The following XYLT1 variants were observed in gnomAD, a reference collection of about 807,000 sequenced individuals.
XYLT1 encodes the protein beta-D-xylosyltransferase 1.
Under a neutral mutation model 91.3 loss-of-function variants are expected in XYLT1, and 36 were observed. That is an observed-to-expected ratio of 0.39 (90% CI 0.30 to 0.52). XYLT1 has a LOEUF of 0.52. XYLT1 is among the 20% of genes least tolerant of loss of function. XYLT1 has a pLI of 0.68. For missense variants in XYLT1, 1,242 were observed against 1,284.5 expected, an observed-to-expected ratio of 0.97 and a Z score of 0.51; for synonymous variants, 588 against 532.0, an observed-to-expected ratio of 1.11 and a Z score of -1.45.
rs9708270 is a variant in XYLT1, at chr16:17,385,281, C to T, written c.364-27231G>A. On this transcript the variant is annotated intron_variant, in intron 1 of 11. Coordinates refer to ENST00000261381, the MANE Select transcript of XYLT1 (RefSeq NM_022166.4). ...ACATAAACACACATACACACACACA[C>T]ACACACACACACACACACACACACA... 6.0e-4 allele frequency among the ~76,000 whole-genome samples: 90 copies of T among 150,692 alleles called. 3 individuals carry two copies. The South Asian group carries it at 0.014, about 24-fold the overall frequency.
chr16:17,400,142 A>G (rs1487633103), intron 1 of XYLT1, among the ~76,000 whole-genome samples: 1 of 152,216 alleles, frequency 6.6e-6, no homozygotes, highest in East Asian at 1.9e-4. Flanking sequence ...GTAGACAGGA[A>G]GGACAGGGGC....
At chr16:17,131,642 C>G (rs2030482460) in intron 9 of XYLT1, among the ~76,000 whole-genome samples, 1 of 152,130 alleles carries the variant, frequency 6.6e-6, no homozygotes, top group Non-Finnish European at 1.5e-5. Context: ...TACTCTGATT[C>G]TCTCAACCTG....
chr16:17,198,348 G>C lies in XYLT1; in HGVS notation c.1153C>G (p.Pro385Ala). ...SRQYSNVRVT[P>A]WRMATIWGGA... ...CCCCAGATGGTGGCCATTCTCCAGGGGGTGACGCGGACATTGCTGTACTGC... is the reference window on the plus strand; with the variant it reads ...CCCCAGATGGTGGCCATTCTCCAGGCGGTGACGCGGACATTGCTGTACTGC... The change falls in exon 5 of 12, where the codon CCC becomes GCC. Residue 385 changes from proline to alanine, a missense_variant. Physicochemically the swap from Pro to Ala is conservative, Grantham distance 27. This residue lies in a region of XYLT1 where 294 missense variants were observed against 376.0 expected (regional missense o/e 0.78). Coordinates refer to ENST00000261381, the MANE Select transcript of XYLT1 (RefSeq NM_022166.4). The C allele has an allele frequency of 1.2e-6, 2 of 1,614,218 alleles. No individual in the cohort carries two copies.
chr16:17,146,491 G>A (rs2031135795), intron 6 of XYLT1, among the ~76,000 whole-genome samples: 1 of 152,056 alleles, frequency 6.6e-6, no homozygotes, highest in African/African-American at 2.4e-5. Flanking sequence ...ATCCCTACAG[G>A]GCGGTCAGAC....
intron 1 of XYLT1, among the ~76,000 whole-genome samples, chr16:17,460,821 C>T (rs570022847): frequency 1.1e-4 from 16 of 152,278 alleles, no homozygotes; most frequent in African/African-American, 3.4e-4. Flanking sequence ...TCTAACACAC[C>T]GTGTGGACAA....
chr16:17,344,965 T>C (rs906922549), intron 2 of XYLT1, among the ~76,000 whole-genome samples: 4 of 152,062 alleles, frequency 2.6e-5, no homozygotes, highest in African/African-American at 9.7e-5. Context: ...CCTCCCAAAG[T>C]TCTAGGATTA....
chr16:17,141,689 A>G (rs1321978706), intron 6 of XYLT1, among the ~76,000 whole-genome samples: 1 of 152,170 alleles, frequency 6.6e-6, no homozygotes, highest in Non-Finnish European at 1.5e-5. Flanking sequence ...CTCCTTCTCT[A>G]GAGAACTTTG....
At chr16:17,465,470 G>A (rs376670343) in intron 1 of XYLT1, among the ~76,000 whole-genome samples, 3 of 147,912 alleles carry the variant, frequency 2.0e-5, no homozygotes, top group Admixed American at 6.9e-5. Context: ...TAAGACCAGC[G>A]ATTTCTAGTT....
intron 1 of XYLT1, among the ~76,000 whole-genome samples, chr16:17,459,078 A>G (rs185138261): frequency 1.0e-3 from 152 of 152,292 alleles, no homozygotes; most frequent in East Asian, 8.5e-3. Context: ...CGCAGGCAAT[A>G]TTTAAGAAGT....
intron 1 of XYLT1, among the ~76,000 whole-genome samples, chr16:17,460,668 T>C (rs532014623): frequency 6.6e-6 from 1 of 152,296 alleles, no homozygotes; most frequent in Non-Finnish European, 1.5e-5. Flanking sequence ...GTCTGCAGTA[T>C]CACCATTCCT....
At chr16:17,447,387 C>T (rs1020997793) in intron 1 of XYLT1, among the ~76,000 whole-genome samples, 3 of 152,334 alleles carry the variant, frequency 2.0e-5, no homozygotes, top group East Asian at 1.9e-4. Context: ...AACTGGAAAA[C>T]AGGACTCAAG....
At chr16:17,260,512 C>T (rs1466070600) in intron 2 of XYLT1, among the ~76,000 whole-genome samples, 2 of 152,080 alleles carry the variant, frequency 1.3e-5, no homozygotes, top group Non-Finnish European at 1.5e-5. Context: ...GGCATCCCTG[C>T]TAGTCCTCCT....
intron 5 of XYLT1, among the ~76,000 whole-genome samples, chr16:17,187,566 CAAAAAAAAA>C (rs57130941): frequency 1.4e-4 from 8 of 57,234 alleles, no homozygotes; most frequent in Non-Finnish European, 1.8e-4. Context: ...AACGCTGTCT[CAAAAAAAAA>C]AAAAAAAAAA....
At chr16:17,267,531 C>A (rs538346695) in intron 2 of XYLT1, among the ~76,000 whole-genome samples, 1 of 152,296 alleles carries the variant, frequency 6.6e-6, no homozygotes, top group East Asian at 1.9e-4. Flanking sequence ...CTCAGCCTCC[C>A]GAGTAGCTGG....
At chr16:17,199,132 G>C (rs528378559) in intron 4 of XYLT1, among the ~76,000 whole-genome samples, 8 of 152,110 alleles carry the variant, frequency 5.3e-5, no homozygotes, top group Non-Finnish European at 1.2e-4. Context: ...TGTATATTTC[G>C]GAGGCAGAAT....
chr16:17,388,883 G>A (rs2035781511), intron 1 of XYLT1, among the ~76,000 whole-genome samples: 1 of 152,168 alleles, frequency 6.6e-6, no homozygotes, highest in African/African-American at 2.4e-5. Flanking sequence ...AGCACCTGGA[G>A]GAAGAAGAGA....
chr16:17,324,611 C>T (rs1473823370), intron 2 of XYLT1, among the ~76,000 whole-genome samples: 1 of 152,218 alleles, frequency 6.6e-6, no homozygotes, highest in African/African-American at 2.4e-5. Context: ...TCTTCGTGCA[C>T]ACAGTGAGAA....
chr16:17,122,559 A>G (rs1488071052), intron 10 of XYLT1, among the ~76,000 whole-genome samples: 3 of 152,116 alleles, frequency 2.0e-5, no homozygotes, highest in Non-Finnish European at 4.4e-5. Flanking sequence ...TCTGCTGATT[A>G]TTTCTTTTGC....
At chr16:17,202,669 C>T (rs2032564760) in intron 3 of XYLT1, among the ~76,000 whole-genome samples, 1 of 152,184 alleles carries the variant, frequency 6.6e-6, no homozygotes, top group African/African-American at 2.4e-5. Context: ...TCACCCGCAC[C>T]TCTTTTACTC....
Sources: gnomAD v4.1 joint callset for allele counts (sites outside exome capture counted in the v4.1 genomes callset) on GRCh38, gnomAD v4.1.1 for gene constraint, gnomAD v4.1.1 regional missense constraint, MANE v1.5 for transcripts, NCBI Gene and HGNC (gene_info 2026-07-23, HGNC 2026-07-21) for gene names.